CSMD1: variants seen among roughly 807,000 people sequenced by gnomAD.
CSMD1 encodes the protein CUB and sushi domain-containing protein 1.
In CSMD1, 213 loss-of-function variants were observed where a neutral mutation model predicts 417.5. That is an observed-to-expected ratio of 0.51 (90% CI 0.46 to 0.57). The LOEUF (loss-of-function observed/expected upper bound fraction) is 0.57. CSMD1 is among the 20% of genes least tolerant of loss of function. The pLI, the probability that CSMD1 is intolerant of heterozygous loss-of-function variation, is 0.00. For synonymous variants in CSMD1, 2,862 were observed against 1,736.8 expected, an observed-to-expected ratio of 1.65 and a Z score of -16.11; for missense variants, 6,923 against 4,529.7, an observed-to-expected ratio of 1.53 and a Z score of -15.17.
intron 25 of CSMD1, among the ~76,000 whole-genome samples, chr8:3,292,700 T>C (rs1276480229): frequency 6.6e-6 from 1 of 152,318 alleles, no homozygotes; most frequent in East Asian, 1.9e-4. Context: ...TCCATCCTTT[T>C]ATTTTGAGCC....
intron 49 of CSMD1, among the ~76,000 whole-genome samples, chr8:3,083,769 T>C (rs1464437321): frequency 7.0e-6 from 1 of 143,820 alleles, no homozygotes; most frequent in East Asian, 2.3e-4. Context: ...AAGTCATCCC[T>C]CCATCTCAGC....
rs541362846 is a variant in CSMD1 at position 4,159,450 on chromosome 8, A to G, written c.416-127351T>C. 3.3e-5 allele frequency among the ~76,000 whole-genome samples: 5 copies of G among 152,354 alleles called. No individual in the cohort carries two copies. In the South Asian group the frequency reaches 6.2e-4, roughly 19 times the overall value. ...TTTGCACATGAATGTTTATGGCAGC[A>G]CAATTCACTACTGTAAAAATGTATC... On this transcript the variant is annotated intron_variant, in intron 3 of 69. Coordinates refer to ENST00000635120, the MANE Select transcript of CSMD1 (RefSeq NM_033225.6).
At position 4,249,804 on chromosome 8, in the gene CSMD1, G is replaced by C. The variant is rs76827679; in HGVS notation, c.415+170149C>G. On this transcript the variant is annotated intron_variant, in intron 3 of 69. Coordinates refer to ENST00000635120, the MANE Select transcript of CSMD1 (RefSeq NM_033225.6). ...TGGGGAAATGAAGAACACAGTGTCAGTTTAGAAATTCTTCTAAATGGTGCT... is the reference window on the plus strand; with the variant it reads ...TGGGGAAATGAAGAACACAGTGTCACTTTAGAAATTCTTCTAAATGGTGCT... 5.5e-3 allele frequency among the ~76,000 whole-genome samples: 835 copies of C among 152,234 alleles called. 12 individuals are homozygous for C. Among genetic ancestry groups the C allele is most frequent in the African/African-American group, 0.019 (800 of 41,540 alleles).
At chr8:3,565,252 G>A (rs1334742232) in intron 10 of CSMD1, among the ~76,000 whole-genome samples, 3 of 145,932 alleles carry the variant, frequency 2.1e-5, no homozygotes, top group African/African-American at 7.6e-5. Context: ...TGACAGCCAA[G>A]ATGAACTAAG....
intron 11 of CSMD1, 126 bp downstream of exon 11, chr8:3,493,497 T>C (rs992339717): frequency 1.5e-6 from 1 of 662,184 alleles, no homozygotes; most frequent in Non-Finnish European, 2.6e-6. Context: ...GGCCACTACA[T>C]TAGCCATAGA....
At chr8:4,195,616 G>C (rs528551924) in intron 3 of CSMD1, among the ~76,000 whole-genome samples, 3 of 152,230 alleles carry the variant, frequency 2.0e-5, no homozygotes, top group Admixed American at 6.5e-5. Flanking sequence ...TATTATATAA[G>C]GCTGCATCTT....
chr8:4,819,414 C>T (rs1219447580), intron 1 of CSMD1, among the ~76,000 whole-genome samples: 1 of 151,788 alleles, frequency 6.6e-6, no homozygotes, highest in Non-Finnish European at 1.5e-5. Context: ...CTGCAAGCTT[C>T]ATAGAGCAAA....
intron 29 of CSMD1, among the ~76,000 whole-genome samples, chr8:3,218,132 C>A (rs1214261165): frequency 6.6e-6 from 1 of 152,054 alleles, no homozygotes; most frequent in South Asian, 2.1e-4. Context: ...TGGTTTATAG[C>A]AAATCAAGGG....
chr8:4,106,592 T>G (rs1801580504), intron 3 of CSMD1, among the ~76,000 whole-genome samples: 1 of 152,224 alleles, frequency 6.6e-6, no homozygotes, highest in Non-Finnish European at 1.5e-5. Context: ...AAAGGTGAAT[T>G]AATTTTACGA....
At chr8:4,854,883 C>A (rs1311120795) in intron 1 of CSMD1, among the ~76,000 whole-genome samples, 1 of 152,174 alleles carries the variant, frequency 6.6e-6, no homozygotes, top group Non-Finnish European at 1.5e-5. Flanking sequence ...ACAAAGCAGC[C>A]AGGAAGCTCG....
intron 2 of CSMD1, among the ~76,000 whole-genome samples, chr8:4,605,518 A>G (rs1800819565): frequency 2.0e-5 from 3 of 152,218 alleles, no homozygotes; most frequent in Non-Finnish European, 2.9e-5. Context: ...ACCAGGAAAC[A>G]GAGTTAACAG....
At chr8:4,183,954 GAGA>G (rs1283657956) in intron 3 of CSMD1, among the ~76,000 whole-genome samples, 2 of 152,108 alleles carry the variant, frequency 1.3e-5, no homozygotes, top group Non-Finnish European at 2.9e-5. Context: ...AACTGCTCCT[GAGA>G]ACACAGAAGG....
chr8:3,899,833 G>A lies in CSMD1; in HGVS notation c.818+98070C>T, dbSNP rs76664110. Among the ~76,000 whole-genome samples, 25 of 152,276 alleles carry A rather than the reference G, an allele frequency of 1.6e-4. No homozygotes were observed. The East Asian group carries it at 4.6e-3, about 28-fold the overall frequency. ...ACCCTTCAGTATGACCCTACCACAGGTACTGTGTCCTGAAAATGTCCATTT... is the reference window on the plus strand; with the variant it reads ...ACCCTTCAGTATGACCCTACCACAGATACTGTGTCCTGAAAATGTCCATTT... On this transcript the variant is annotated intron_variant, in intron 5 of 69. Transcript: ENST00000635120.
At chr8:4,039,648 G>T (rs1045799771) in intron 3 of CSMD1, among the ~76,000 whole-genome samples, 1 of 152,182 alleles carries the variant, frequency 6.6e-6, no homozygotes. Context: ...CTCATGGGAC[G>T]TAATCAGAAC....
intron 12 of CSMD1, among the ~76,000 whole-genome samples, chr8:3,467,729 T>A (rs965951060): frequency 6.6e-6 from 1 of 152,290 alleles, no homozygotes. Flanking sequence ...AGGTGTGGCG[T>A]GTTCACTCAC....
chr8:3,727,179 A>T (rs957531479), intron 6 of CSMD1, among the ~76,000 whole-genome samples: 3 of 152,240 alleles, frequency 2.0e-5, no homozygotes, highest in Non-Finnish European at 4.4e-5. Flanking sequence ...TACTTAGAGC[A>T]ATGTGAATGT....
chr8:3,290,222 T>C (rs1403787197), intron 25 of CSMD1, among the ~76,000 whole-genome samples: 1 of 147,440 alleles, frequency 6.8e-6, no homozygotes, highest in Non-Finnish European at 1.5e-5. Flanking sequence ...CTGTTTTGGT[T>C]ACTGTAGCCT....
intron 2 of CSMD1, among the ~76,000 whole-genome samples, chr8:4,479,215 T>A (rs1256452485): frequency 6.6e-6 from 1 of 152,200 alleles, no homozygotes; most frequent in African/African-American, 2.4e-5. Flanking sequence ...CCTGAGAAGA[T>A]ACCCCTGGAA....
intron 7 of CSMD1, among the ~76,000 whole-genome samples, chr8:3,662,340 ATC>A (rs1215540644): frequency 6.6e-6 from 1 of 152,094 alleles, no homozygotes; most frequent in Non-Finnish European, 1.5e-5. Context: ...GTTTCTTAAA[ATC>A]TCTCTCTCCC....
Sources: allele counts gnomAD v4.1 joint callset (sites outside exome capture counted in the v4.1 genomes callset), GRCh38; gene constraint gnomAD v4.1.1; transcripts MANE v1.5; gene names NCBI Gene and HGNC (gene_info 2026-07-23, HGNC 2026-07-21).